The following LTBP1 variants were observed in gnomAD, a reference collection of about 807,000 sequenced individuals.
LTBP1 encodes latent transforming growth factor beta binding protein 1.
A neutral mutation model predicts 207.6 loss-of-function variants in LTBP1; 129 were observed. The ratio of observed to expected loss-of-function variants is 0.62; its 90% CI spans 0.54 to 0.72. LTBP1 has a LOEUF of 0.72. Ranked by LOEUF, LTBP1 falls within the 30% of genes least tolerant of loss-of-function variation. The pLI is 0.00. For missense variants in LTBP1, 2,281 were observed against 2,217.2 expected (o/e 1.03, Z -0.58); for synonymous variants, 963 against 833.7 (o/e 1.16, Z -2.67).
intron 2 of LTBP1, among the ~76,000 whole-genome samples, chr2:32,966,763 G>A (rs1572860431): frequency 6.6e-6 from 1 of 152,156 alleles, no homozygotes; most frequent in East Asian, 1.9e-4. Flanking sequence ...ATTCATTGTT[G>A]CATTCAAATT....
chr2:32,961,304 C>T (rs896062423), intron 2 of LTBP1, among the ~76,000 whole-genome samples: 2 of 152,146 alleles, frequency 1.3e-5, no homozygotes, highest in African/African-American at 2.4e-5. Flanking sequence ...CAGGGAGCTG[C>T]GAGGCTGCGG....
chr2:32,949,405 C>A (rs1676768635), intron 2 of LTBP1, among the ~76,000 whole-genome samples: 1 of 152,210 alleles, frequency 6.6e-6, no homozygotes, highest in Non-Finnish European at 1.5e-5. Flanking sequence ...AAACAGCAAC[C>A]AGAATCCTTC....
At chr2:33,353,862 T>G (rs867776850) in intron 26 of LTBP1, among the ~76,000 whole-genome samples, 6 of 144,424 alleles carry the variant, frequency 4.2e-5, no homozygotes, top group African/African-American at 1.6e-4. Flanking sequence ...ATGTACGCCT[T>G]TTTTTTTTTT....
intron 19 of LTBP1, among the ~76,000 whole-genome samples, 196 bp downstream of exon 19, chr2:33,280,354 C>T (rs926014854): frequency 5.3e-5 from 8 of 151,706 alleles, no homozygotes; most frequent in Admixed American, 6.6e-5. Flanking sequence ...GTAAGATTCT[C>T]GATGGGGAAA....
chr2:33,072,759 G>A (rs1050563127), intron 3 of LTBP1, among the ~76,000 whole-genome samples: 5 of 152,128 alleles, frequency 3.3e-5, no homozygotes, highest in South Asian at 2.1e-4. Flanking sequence ...ATAGTATCAC[G>A]CAAGTACTCT....
intron 3 of LTBP1, 117 bp downstream of exon 3, chr2:33,021,323 G>C (rs939228237): frequency 6.1e-6 from 6 of 985,908 alleles, no homozygotes; most frequent in Non-Finnish European, 8.8e-6. Context: ...GGATAATAAT[G>C]TTTTTCTTTC....
rs558743040 is a variant in LTBP1 at position 33,113,719 on chromosome 2, G to T, written c.1033+2968G>T. Among the ~76,000 whole-genome samples the T allele has an allele frequency of 2.6e-5, 4 of 152,032 alleles. No individual in the cohort carries two copies. The East Asian group carries it at 7.7e-4, about 29-fold the overall frequency. On this transcript the variant is annotated intron_variant, in intron 4 of 33. Coordinates refer to ENST00000404816, the MANE Select transcript of LTBP1 (RefSeq NM_206943.4). ...TAAAGGATATCTCTTTTTTTTCCCA[G>T]CTTCTTTTCAAAGTTCATCCGTGTT... is the stretch of plus-strand genomic sequence containing the variant.
At chr2:33,201,880 C>G (rs2089326006) in intron 7 of LTBP1, among the ~76,000 whole-genome samples, 1 of 152,004 alleles carries the variant, frequency 6.6e-6, no homozygotes, top group African/African-American at 2.4e-5. Context: ...TTAGAGATGC[C>G]AGAAGTTGTT....
intron 20 of LTBP1, among the ~76,000 whole-genome samples, chr2:33,297,230 A>T (rs1378721995): frequency 6.6e-6 from 1 of 151,994 alleles, no homozygotes; most frequent in South Asian, 2.1e-4. Flanking sequence ...GCGTCTTCCC[A>T]TTACAGCCTG....
intron 24 of LTBP1, among the ~76,000 whole-genome samples, chr2:33,328,228 A>G (rs2094453352): frequency 6.6e-6 from 1 of 151,956 alleles, no homozygotes; most frequent in Non-Finnish European, 1.5e-5. Flanking sequence ...CTTGACAAGC[A>G]TTTATAGTGA....
intron 32 of LTBP1, among the ~76,000 whole-genome samples, chr2:33,391,322 A>G (rs1292915773): frequency 6.7e-6 from 1 of 148,528 alleles, no homozygotes; most frequent in African/African-American, 2.5e-5. Flanking sequence ...CTTTTCATCC[A>G]CAGCACATAA....
At chr2:32,968,875 C>A (rs1338047008) in intron 2 of LTBP1, among the ~76,000 whole-genome samples, 2 of 151,270 alleles carry the variant, frequency 1.3e-5, no homozygotes, top group Admixed American at 6.6e-5. Context: ...AGGTGTGTGC[C>A]ACCACACCTG....
chr2:33,257,299 T>C lies in LTBP1; in HGVS notation c.2183T>C (p.Ile728Thr), dbSNP rs1478570363. 1 of 1,613,066 alleles carries C rather than the reference T, an allele frequency of 6.2e-7. No homozygotes were observed. The highest frequency in any genetic ancestry group is 1.1e-5 in the South Asian group (1 of 91,060). ...CCAAATCTAGCTGCTTTTAAGGAAA[T>C]CTGTCCTGGTGGAATGGGTTATACG... ...PLPGTAAFKEICPGGMGYTVS... is the reference protein window; with the variant it reads ...PLPGTAAFKETCPGGMGYTVS... Residue 728 changes from isoleucine (I) to threonine (T), a missense_variant, in exon 12 of 34, where the codon ATC becomes ACC. Physicochemically the swap from Ile to Thr is moderately conservative, Grantham distance 89. This residue lies in a region of LTBP1 where 1,671 missense variants were observed against 1,634.8 expected (regional missense o/e 1.02). Coordinates refer to ENST00000404816, the MANE Select transcript of LTBP1 (RefSeq NM_206943.4).
intron 3 of LTBP1, among the ~76,000 whole-genome samples, chr2:33,054,233 A>G (rs753786680): frequency 1.1e-4 from 16 of 152,228 alleles, no homozygotes; most frequent in Non-Finnish European, 2.1e-4. Context: ...CGGTTTTTGT[A>G]CTCCTAGAAT....
chr2:32,988,198 C>G (rs1283714494), intron 2 of LTBP1, among the ~76,000 whole-genome samples: 2 of 152,240 alleles, frequency 1.3e-5, no homozygotes, highest in African/African-American at 4.8e-5. Context: ...GCCTCCAGAA[C>G]TGCGAGAGAA....
At chr2:33,315,682 C>T (rs116737326) in intron 24 of LTBP1, among the ~76,000 whole-genome samples, 24 of 152,260 alleles carry the variant, frequency 1.6e-4, no homozygotes, top group African/African-American at 4.8e-4. Context: ...CGGTGGCTCA[C>T]ACCAGCACTT....
chr2:33,301,494 C>G (rs564141052), intron 21 of LTBP1, 28 bp from the exon 22 acceptor site: 2 of 1,546,772 alleles, frequency 1.3e-6, no homozygotes, highest in Non-Finnish European at 1.7e-6. Flanking sequence ...ACCACTTCCA[C>G]AGTTTCTTTG....
At position 33,275,822 on chromosome 2, in the gene LTBP1, C is replaced by T. The variant is rs751946169; in HGVS notation, c.2891C>T (p.Pro964Leu). Reference protein sequence around the residue: ...NCIDVDECLRPDVCGEGHCVN... With the variant: ...NCIDVDECLRLDVCGEGHCVN... ...GTAGATGTTGACGAATGCCTGAGGC[C>T]GGACGTCTGTGGGGAGGGGCACTGT... The change falls in exon 18 of 34, where the codon CCG (proline) becomes CTG (leucine). Residue 964 changes from proline to leucine, a missense_variant. By Grantham distance (98) the Pro-to-Leu change is moderately conservative. Around this residue, in one of 3 missense-constraint regions of LTBP1, gnomAD observed 1,671 missense variants for 1,634.8 expected, o/e 1.02. Coordinates refer to ENST00000404816, the MANE Select transcript of LTBP1 (RefSeq NM_206943.4). The T allele has an allele frequency of 1.3e-4, 204 of 1,613,850 alleles. No individual in the cohort carries two copies. Among genetic ancestry groups the T allele is most frequent in the Admixed American group, 1.7e-4 (10 of 60,010 alleles).
At chr2:33,177,543 C>T (rs1169602110) in intron 5 of LTBP1, among the ~76,000 whole-genome samples, 2 of 152,072 alleles carry the variant, frequency 1.3e-5, no homozygotes, top group African/African-American at 4.8e-5. Flanking sequence ...TGGTGGGTGC[C>T]TGTAATCTCA....
Sources: allele counts gnomAD v4.1 joint callset (sites outside exome capture counted in the v4.1 genomes callset), GRCh38; gene constraint gnomAD v4.1.1; regional missense constraint gnomAD v4.1.1; transcripts MANE v1.5; gene names NCBI Gene and HGNC (gene_info 2026-07-23, HGNC 2026-07-21).